Variants in SH3D19 observed in about 807,000 individuals in gnomAD.
SH3D19 encodes the protein SH3 domain-containing protein 19.
A neutral mutation model predicts 112.1 loss-of-function variants in SH3D19; 58 were observed. The observed-to-expected ratio is 0.52, with a 90% confidence interval of 0.42 to 0.64. SH3D19 has a LOEUF of 0.64. Among genes scored for constraint, SH3D19 ranks in the 30% least tolerant of loss-of-function variants. The probability of loss-of-function intolerance (pLI) is 0.00; values close to 1 mark genes in which losing one functional copy is unlikely to be tolerated. For missense variants in SH3D19, 1,090 were observed against 1,263.4 expected (o/e 0.86, Z 2.08); for synonymous variants, 391 against 448.5 (o/e 0.87, Z 1.62).
intron 2 of SH3D19, among the ~76,000 whole-genome samples, chr4:151,203,052 T>A (rs1490666119): frequency 1.3e-5 from 2 of 152,120 alleles, no homozygotes; most frequent in Non-Finnish European, 2.9e-5. Context: ...GAAAGAGAAA[T>A]GTGACTGTTG....
chr4:151,255,369 T>C (rs1409972623), intron 1 of SH3D19, among the ~76,000 whole-genome samples: 2 of 137,098 alleles, frequency 1.5e-5, no homozygotes, highest in Admixed American at 7.2e-5. Context: ...CGGGCAGAGG[T>C]GCTCCTCACA....
intron 1 of SH3D19, among the ~76,000 whole-genome samples, chr4:151,309,572 CA>C (rs1167502068): frequency 6.6e-6 from 1 of 152,022 alleles, no homozygotes; most frequent in East Asian, 1.9e-4. Flanking sequence ...GATGTTTTTT[CA>C]AAGAAGGTAT....
At chr4:151,175,861 G>A (rs1335195010) in intron 6 of SH3D19, among the ~76,000 whole-genome samples, 187 bp from the exon 7 acceptor site, 2 of 152,114 alleles carry the variant, frequency 1.3e-5, no homozygotes, top group East Asian at 3.9e-4. Flanking sequence ...CTGTAGGAGT[G>A]CTCTTCATAT....
intron 3 of SH3D19, among the ~76,000 whole-genome samples, chr4:151,183,501 C>T (rs967426122): frequency 1.3e-5 from 2 of 152,056 alleles, no homozygotes; most frequent in Non-Finnish European, 2.9e-5. Flanking sequence ...AATGAATTAC[C>T]CCAGGTCCAA....
intron 1 of SH3D19, among the ~76,000 whole-genome samples, chr4:151,295,044 G>C (rs1775606440): frequency 6.6e-6 from 1 of 152,176 alleles, no homozygotes; most frequent in Non-Finnish European, 1.5e-5. Context: ...AATGTGGCTG[G>C]GACACTGTGA....
At chr4:151,282,299 C>T (rs200120511) in intron 1 of SH3D19, 2 of 1,613,950 alleles carry the variant, frequency 1.2e-6, no homozygotes. Flanking sequence ...ACTGTCCTCT[C>T]AAGTCACCTT....
chr4:151,181,965 T>C (rs1303311628), intron 3 of SH3D19, among the ~76,000 whole-genome samples: 1 of 151,578 alleles, frequency 6.6e-6, no homozygotes, highest in Non-Finnish European at 1.5e-5. Flanking sequence ...ACATAACCAG[T>C]TGAAAAACCC....
At chr4:151,298,411 C>T (rs542463149) in intron 1 of SH3D19, among the ~76,000 whole-genome samples, 26 of 151,948 alleles carry the variant, frequency 1.7e-4, no homozygotes, top group Admixed American at 7.2e-4. Context: ...CTCCTGATCT[C>T]GTGATCCTCC....
At chr4:151,253,169 A>G (rs1771540352) in intron 1 of SH3D19, among the ~76,000 whole-genome samples, 2 of 152,180 alleles carry the variant, frequency 1.3e-5, no homozygotes, top group Admixed American at 1.3e-4. Flanking sequence ...TTTGGCCTCC[A>G]ATCCCTGTGT....
intron 1 of SH3D19, among the ~76,000 whole-genome samples, chr4:151,274,193 T>C (rs935861263): frequency 1.3e-5 from 2 of 152,200 alleles, no homozygotes; most frequent in African/African-American, 4.8e-5. Flanking sequence ...ATAAATTTGG[T>C]AAAAATTCAT....
chr4:151,199,212 A>G (rs1764029295), intron 2 of SH3D19, among the ~76,000 whole-genome samples: 1 of 152,194 alleles, frequency 6.6e-6, no homozygotes, highest in East Asian at 1.9e-4. Flanking sequence ...TTATTAATAT[A>G]TTATGTATCT....
intron 2 of SH3D19, among the ~76,000 whole-genome samples, chr4:151,210,689 CTG>C (rs1321016100): frequency 6.6e-6 from 1 of 151,558 alleles, no homozygotes; most frequent in Non-Finnish European, 1.5e-5. Context: ...GCGTGAGCCA[CTG>C]TGCCTGGCCC....
chr4:151,158,512 C>T (rs894758722), intron 9 of SH3D19, among the ~76,000 whole-genome samples: 2 of 151,918 alleles, frequency 1.3e-5, no homozygotes, highest in African/African-American at 2.4e-5. Context: ...GTTAACCAGG[C>T]TCGTCTCGAA....
chr4:151,296,100 A>G (rs1048955233), intron 1 of SH3D19, among the ~76,000 whole-genome samples: 1 of 152,182 alleles, frequency 6.6e-6, no homozygotes, highest in African/African-American at 2.4e-5. Flanking sequence ...AGGGAAAAAA[A>G]GAGAATTTTA....
intron 6 of SH3D19, 140 bp from the exon 7 acceptor site, chr4:151,175,814 A>G (rs985663003): frequency 4.4e-5 from 32 of 728,434 alleles, no homozygotes; most frequent in Non-Finnish European, 6.1e-5. Flanking sequence ...TTAATTAGTA[A>G]AAAGTGATTC....
intron 8 of SH3D19, among the ~76,000 whole-genome samples, chr4:151,162,987 C>A (rs918090706): frequency 3.3e-5 from 5 of 152,206 alleles, no homozygotes; most frequent in Non-Finnish European, 7.3e-5. Flanking sequence ...TGCTTTCCTT[C>A]TGGGAATCTG....
At chr4:151,176,419 G>T in intron 6 of SH3D19, 115 bp downstream of exon 6, 1 of 741,888 alleles carries the variant, frequency 1.3e-6, no homozygotes, top group Non-Finnish European at 1.8e-6. Context: ...CACTGACTGG[G>T]CAGCAGAGCT....
At chr4:151,200,386 A>T (rs574208765) in intron 2 of SH3D19, among the ~76,000 whole-genome samples, 1 of 152,350 alleles carries the variant, frequency 6.6e-6, no homozygotes, top group East Asian at 1.9e-4. Context: ...TTTGCAAGCC[A>T]GTTGTTAAAT....
At chr4:151,258,698 C>T (rs1266521759) in intron 1 of SH3D19, among the ~76,000 whole-genome samples, 1 of 152,212 alleles carries the variant, frequency 6.6e-6, no homozygotes, top group Non-Finnish European at 1.5e-5. Context: ...TGGAGCTGCA[C>T]TTCTGAAGTC....
Sources: allele counts gnomAD v4.1 joint callset (sites outside exome capture counted in the v4.1 genomes callset), GRCh38; gene constraint gnomAD v4.1.1; transcripts MANE v1.5; gene names NCBI Gene and HGNC (gene_info 2026-07-23, HGNC 2026-07-21).